Variants in PALD1 observed in about 807,000 individuals in gnomAD.
PALD1 encodes paladin.
Under a neutral mutation model 96.0 loss-of-function variants are expected in PALD1, and 57 were observed. The ratio of observed to expected loss-of-function variants is 0.59; its 90% confidence interval spans 0.48 to 0.74. The LOEUF is 0.74. Among genes scored for constraint, PALD1 ranks in the 30% least tolerant of loss-of-function variants. The pLI is 0.00. For missense variants in PALD1, 1,063 were observed against 1,143.7 expected, an observed-to-expected ratio of 0.93 and a Z score of 1.02; for synonymous variants, 464 against 473.6, an observed-to-expected ratio of 0.98 and a Z score of 0.26.
At chr10:70,510,414 G>A (rs1028177734) in intron 1 of PALD1, among the ~76,000 whole-genome samples, 7 of 152,148 alleles carry the variant, frequency 4.6e-5, no homozygotes, top group African/African-American at 1.7e-4. Context: ...CCAAATGCCT[G>A]ACTTCCTGGA....
intron 1 of PALD1, among the ~76,000 whole-genome samples, chr10:70,495,980 C>T (rs539817044): frequency 6.6e-6 from 1 of 151,986 alleles, no homozygotes; most frequent in African/African-American, 2.4e-5. Context: ...CACTGTACTC[C>T]AGCCTGGGCA....
At chr10:70,545,534 A>T (rs962696183) in intron 17 of PALD1, among the ~76,000 whole-genome samples, 1 of 152,086 alleles carries the variant, frequency 6.6e-6, no homozygotes, top group Admixed American at 6.5e-5. Context: ...GGGAAAAGCC[A>T]TAGAGTAACC....
At position 70,566,753 on chromosome 10, in the gene PALD1, C is replaced by T; in HGVS notation, c.*20C>T. 6.5e-7 allele frequency: 1 copy of T among 1,540,530 alleles called. No homozygotes were observed. Among genetic ancestry groups the T allele is most frequent in the Non-Finnish European group, 8.8e-7 (1 of 1,135,210 alleles). ...CTGTAGGGGGCCTTACTCCCTGTCC[C>T]CCCACCCACAGGGCCCCACGCAGGC... is the stretch of plus-strand genomic sequence containing the variant. On this transcript the variant is annotated 3_prime_UTR_variant, in exon 20 of 20. Transcript: ENST00000263563.
chr10:70,555,984 G>A (rs1398053427), intron 18 of PALD1, among the ~76,000 whole-genome samples: 8 of 152,064 alleles, frequency 5.3e-5, no homozygotes, highest in Non-Finnish European at 1.5e-5. Flanking sequence ...CTGGGTGACA[G>A]AGTGAGACTC....
chr10:70,529,055 G>A (rs1030484507), intron 2 of PALD1, among the ~76,000 whole-genome samples, 174 bp from the exon 3 acceptor site: 14 of 152,240 alleles, frequency 9.2e-5, no homozygotes, highest in Admixed American at 6.5e-4. Flanking sequence ...CAGCCCTGGG[G>A]CTGTCGTGTT....
chr10:70,533,526 C>T (rs1468448856), intron 7 of PALD1, among the ~76,000 whole-genome samples: 4 of 152,204 alleles, frequency 2.6e-5, no homozygotes, highest in Non-Finnish European at 4.4e-5. Context: ...CCTCACCTCT[C>T]TAGACCTCAG....
At chr10:70,512,903 C>T (rs7073737) in intron 1 of PALD1, among the ~76,000 whole-genome samples, 16,742 of 152,202 alleles carry the variant, frequency 0.11, 1,016 homozygotes, top group South Asian at 0.17. Context: ...CAAGAGAAGC[C>T]GGAGATCTAG....
chr10:70,512,793 G>C (rs893090838), intron 1 of PALD1, among the ~76,000 whole-genome samples: 1 of 152,262 alleles, frequency 6.6e-6, no homozygotes, highest in African/African-American at 2.4e-5. Context: ...CAAGTACAGT[G>C]TGGAAGTCCA....
chr10:70,541,071 C>T (rs373842271), intron 15 of PALD1, 31 bp from the exon 16 acceptor site: 45 of 1,559,390 alleles, frequency 2.9e-5, no homozygotes, highest in Middle Eastern at 3.4e-4. Context: ...AAGAGACGCC[C>T]GCTGACCCAG....
intron 1 of PALD1, among the ~76,000 whole-genome samples, chr10:70,486,686 A>G (rs1450085558): frequency 6.6e-6 from 1 of 152,130 alleles, no homozygotes; most frequent in African/African-American, 2.4e-5. Flanking sequence ...GCTTGAACCC[A>G]GGAGGCAGAG....
At chr10:70,472,218 A>C in the PALD1 span, among the ~76,000 whole-genome samples, 1 of 152,140 alleles carries the variant, frequency 6.6e-6, no homozygotes, top group Non-Finnish European at 1.5e-5. Flanking sequence ...GGGAGCCTGG[A>C]GTGGTGTTGC....
chr10:70,536,478 A>G (rs541943849), intron 10 of PALD1, among the ~76,000 whole-genome samples: 2 of 152,336 alleles, frequency 1.3e-5, no homozygotes, highest in Admixed American at 1.3e-4. Flanking sequence ...GAGCAGCTTC[A>G]TGAAAATGAA....
At chr10:70,498,251 C>A (rs1846228725) in intron 1 of PALD1, among the ~76,000 whole-genome samples, 1 of 152,118 alleles carries the variant, frequency 6.6e-6, no homozygotes, top group African/African-American at 2.4e-5. Flanking sequence ...TGTCAGAATT[C>A]ATTTCTTTTA....
chr10:70,459,165 G>C, the PALD1 span, among the ~76,000 whole-genome samples: 8 of 152,092 alleles, frequency 5.3e-5, no homozygotes, highest in Non-Finnish European at 1.2e-4. Context: ...CGCTCACTGG[G>C]ACGCTGCTTT....
intron 1 of PALD1, among the ~76,000 whole-genome samples, chr10:70,512,866 CTTG>C (rs1029776129): frequency 6.6e-6 from 1 of 152,220 alleles, no homozygotes; most frequent in African/African-American, 2.4e-5. Context: ...CCAGTGGCAC[CTTG>C]TTGTTGCACA....
intron 1 of PALD1, among the ~76,000 whole-genome samples, chr10:70,502,170 C>G (rs1434289195): frequency 6.6e-6 from 1 of 152,152 alleles, no homozygotes; most frequent in African/African-American, 2.4e-5. Flanking sequence ...CATCACCACA[C>G]CCTCTTCCTG....
Position 70,547,436 on chromosome 10 carries a change from C to T in PALD1, c.2252C>T (p.Thr751Ile). 6.2e-7 allele frequency: 1 copy of T among 1,607,486 alleles called. No homozygotes were observed. Among genetic ancestry groups the T allele is most frequent in the African/African-American group, 1.3e-5 (1 of 74,928 alleles). ...HYHLREIIIC[T>I]YRQAKAAKEA... ...CACCTGCGGGAGATCATCATCTGCA[C>T]CTACCGCCAGGTGAGCCCCCACCCC... The change falls in exon 18 of 20, where the codon ACC becomes ATC. Residue 751 changes from threonine to isoleucine, a missense_variant. Coordinates refer to ENST00000263563, the MANE Select transcript of PALD1 (RefSeq NM_014431.3).
At chr10:70,508,771 C>T (rs1264960438) in intron 1 of PALD1, among the ~76,000 whole-genome samples, 2 of 90,998 alleles carry the variant, frequency 2.2e-5, no homozygotes, top group Non-Finnish European at 4.6e-5. Flanking sequence ...GGGTGGGTTT[C>T]GACTCTGTAT....
At chr10:70,501,987 ATTTCATTC>A (rs1846308476) in intron 1 of PALD1, among the ~76,000 whole-genome samples, 1 of 151,962 alleles carries the variant, frequency 6.6e-6, no homozygotes, top group South Asian at 2.1e-4. Flanking sequence ...ATAAGCTGCT[ATTTCATTC>A]GAAGTTTGAC....
Sources: gnomAD v4.1 joint callset for allele counts (sites outside exome capture counted in the v4.1 genomes callset) on GRCh38, gnomAD v4.1.1 for gene constraint, MANE v1.5 for transcripts, NCBI Gene and HGNC (gene_info 2026-07-23, HGNC 2026-07-21) for gene names.